IL21: variants seen among roughly 807,000 people sequenced by gnomAD.
IL21 encodes the protein interleukin-21.
A neutral mutation model predicts 18.4 loss-of-function variants in IL21; 3 were observed. The observed-to-expected ratio is 0.16, with a 90% CI of 0.07 to 0.42. The LOEUF (loss-of-function observed/expected upper bound fraction) is 0.42, where lower values mean the gene tolerates loss of function less well. Ranked by LOEUF, IL21 falls within the 10% of genes least tolerant of loss-of-function variation. IL21 has a pLI of 0.99. For synonymous variants in IL21, 37 were observed against 62.0 expected (o/e 0.60, Z 1.90); for missense variants, 130 against 188.4 (o/e 0.69, Z 1.81).
At position 122,621,023 on chromosome 4, in the gene IL21, G is replaced by A; in HGVS notation, c.-12C>T. On this transcript the variant is annotated 5_prime_UTR_variant, in exon 1 of 5. Coordinates refer to ENST00000648588, the MANE Select transcript of IL21 (RefSeq NM_021803.4). ...GGACTGGATCTCATAAGTACCAACAGTAGAGCTAGACCTTGGTCTCGTTTT... is the reference window on the plus strand; with the variant it reads ...GGACTGGATCTCATAAGTACCAACAATAGAGCTAGACCTTGGTCTCGTTTT... 1 of 1,612,636 alleles carries A rather than the reference G, an allele frequency of 6.2e-7. No homozygotes were observed. The highest frequency in any genetic ancestry group is 1.3e-5 in the African/African-American group (1 of 75,004).
chr4:122,620,433 A>G (rs1427401970), intron 2 of IL21, among the ~76,000 whole-genome samples: 1 of 152,190 alleles, frequency 6.6e-6, no homozygotes, highest in Non-Finnish European at 1.5e-5. Flanking sequence ...TAGTTTTGTT[A>G]TTCTGTCTCA....
chr4:122,620,264 A>C (rs1160522072), intron 2 of IL21: 1 of 154,132 alleles, frequency 6.5e-6, no homozygotes, highest in Non-Finnish European at 1.4e-5. Context: ...TTCTTTTTTA[A>C]GTTTGTTATT....
chr4:122,612,272 A>C lies in IL21; in HGVS notation c.*438T>G. 6.6e-6 allele frequency among the ~76,000 whole-genome samples: 1 copy of C among 152,022 alleles called. No homozygotes were observed. Among genetic ancestry groups the C allele is most frequent in the East Asian group, 1.9e-4 (1 of 5,200 alleles). On this transcript the variant is annotated 3_prime_UTR_variant, in exon 5 of 5. Coordinates refer to ENST00000648588, the MANE Select transcript of IL21 (RefSeq NM_021803.4). ...CAGTTTTCATTTCCTTAAAAGAATA[A>C]AGATGTCAACTTTTCATTTTGCTTT...
chr4:122,612,508 A>T lies in IL21; in HGVS notation c.*202T>A, dbSNP rs1332035837. 1.1e-5 allele frequency: 5 copies of T among 446,770 alleles called. No individual in the cohort carries two copies. Among genetic ancestry groups the T allele is most frequent in the Non-Finnish European group, 1.2e-5 (3 of 254,538 alleles). The allele number at this position is 446,770 out of a possible 1,614,324, so 27.7% of individuals were successfully genotyped here. A position where few individuals can be genotyped will look rare whatever the true frequency, so the allele number is the denominator to read the frequency against. On this transcript the variant is annotated 3_prime_UTR_variant, in exon 5 of 5. Transcript: ENST00000648588. The stretch of plus-strand genomic sequence containing the variant: ...AGTTGGGCAGTGAGATAAAGTAAAA[A>T]CTTCAGAAGTCATAGAAATCAATAA...
In IL21 at chr4:122,611,875, C is replaced by T. The variant is rs1799266868; in HGVS notation, c.*835G>A. On this transcript the variant is annotated 3_prime_UTR_variant, in exon 5 of 5. Transcript: ENST00000648588. ...GTTACTAGCTTGCTCATAATATGAT[C>T]ATTATAACAGTTTGAGAAGAGAGCT... is the stretch of plus-strand genomic sequence containing the variant. Among the ~76,000 whole-genome samples, 1 of 152,090 alleles carries T rather than the reference C, an allele frequency of 6.6e-6. No homozygotes were observed. Among genetic ancestry groups the T allele is most frequent in the Admixed American group, 6.5e-5 (1 of 15,268 alleles).
At chr4:122,618,905 G>A (rs1168504216) in intron 2 of IL21, 1 of 151,900 alleles carries the variant, frequency 6.6e-6, no homozygotes, top group Non-Finnish European at 1.5e-5. Flanking sequence ...GACATTTGGG[G>A]CTAGATAATT....
At chr4:122,616,469 TAGATCACAC>T (rs1239327217) in intron 2 of IL21, among the ~76,000 whole-genome samples, 1 of 152,244 alleles carries the variant, frequency 6.6e-6, no homozygotes, top group African/African-American at 2.4e-5. Context: ...ATACTTGCCA[TAGATCACAC>T]ATGACTTTTC....
Position 122,621,018 on chromosome 4 carries a change from C to G in IL21, c.-7G>C. 6.2e-7 allele frequency: 1 copy of G among 1,613,000 alleles called. No homozygotes were observed. Among genetic ancestry groups the G allele is most frequent in the Non-Finnish European group, 8.5e-7 (1 of 1,179,412 alleles). ...TGCCAGGACTGGATCTCATAAGTAC[C>G]AACAGTAGAGCTAGACCTTGGTCTC... On this transcript the variant is annotated 5_prime_UTR_variant, in exon 1 of 5. Coordinates refer to ENST00000648588, the MANE Select transcript of IL21 (RefSeq NM_021803.4).
chr4:122,613,557 G>A (rs1799293539), intron 3 of IL21, among the ~76,000 whole-genome samples: 3 of 152,026 alleles, frequency 2.0e-5, no homozygotes, highest in Non-Finnish European at 2.9e-5. Flanking sequence ...TCACCATGTT[G>A]GCCAGGCTGG....
rs534885560 is a variant in IL21, at chr4:122,611,334, G to A, written c.*1376C>T. On this transcript the variant is annotated 3_prime_UTR_variant, in exon 5 of 5. Coordinates refer to ENST00000648588, the MANE Select transcript of IL21 (RefSeq NM_021803.4). The stretch of plus-strand genomic sequence containing the variant: ...ATGATAAAACATTTCATTGAGATTT[G>A]ATTAAATAATTCTCAATATATCTTT... Among the ~76,000 whole-genome samples, 5 of 151,726 alleles carry A rather than the reference G, an allele frequency of 3.3e-5. No individual in the cohort carries two copies. The South Asian group carries it at 6.2e-4, about 19-fold the overall frequency.
chr4:122,618,184 T>G (rs1021826185), intron 2 of IL21, among the ~76,000 whole-genome samples: 18 of 152,292 alleles, frequency 1.2e-4, no homozygotes, highest in East Asian at 1.2e-3. Context: ...ACCATTCCTC[T>G]TCAGCTGAAG....
Position 122,620,750 on chromosome 4 carries a change from A to G in IL21, c.169-14T>C. 1 of 1,613,378 alleles carries G rather than the reference A, an allele frequency of 6.2e-7. No homozygotes were observed. The highest frequency in any genetic ancestry group is 8.5e-7 in the Non-Finnish European group (1 of 1,179,668). ...AAATTCAGGGACCTAGAGCAAAAGA[A>G]AATTTGTTCTGAGTTATTTTTATAA... On this transcript the variant is annotated splice_polypyrimidine_tract_variant and intron_variant, in intron 1 of 4. Transcript: ENST00000648588.
chr4:122,617,871 G>A (rs964958863), intron 2 of IL21, among the ~76,000 whole-genome samples: 2 of 152,238 alleles, frequency 1.3e-5, no homozygotes, highest in African/African-American at 4.8e-5. Flanking sequence ...AAGAAGTAGA[G>A]GGCTGTCGCC....
In IL21 at chr4:122,612,351, G is replaced by A. The variant is rs1383450153; in HGVS notation, c.*359C>T. On this transcript the variant is annotated 3_prime_UTR_variant, in exon 5 of 5. Transcript: ENST00000648588. ...TATCAGCTGGAATGAAGGTATATAT[G>A]TTTTAAGTTATGATCATAATAGACC... Among the ~76,000 whole-genome samples the A allele has an allele frequency of 1.3e-5, 2 of 152,030 alleles. No homozygotes were observed. The highest frequency in any genetic ancestry group is 2.1e-4 in the South Asian group (1 of 4,832).
chr4:122,615,604 G>A, intron 3 of IL21, 78 bp downstream of exon 3: 1 of 1,288,968 alleles, frequency 7.8e-7, no homozygotes, highest in Non-Finnish European at 1.1e-6. Flanking sequence ...CTGGCTACAG[G>A]TGTGTGTGTA....
chr4:122,616,392 G>T (rs1228414253), intron 2 of IL21, among the ~76,000 whole-genome samples: 2 of 152,136 alleles, frequency 1.3e-5, no homozygotes, highest in Non-Finnish European at 2.9e-5. Flanking sequence ...ATGAATTAAA[G>T]CCCCTCCTTT....
At chr4:122,615,637 T>C in intron 3 of IL21, 45 bp downstream of exon 3, 3 of 1,553,560 alleles carry the variant, frequency 1.9e-6, no homozygotes, top group Non-Finnish European at 2.6e-6. Context: ...GCAAGATATA[T>C]AGTTTATAAG....
In IL21 at chr4:122,610,977, C is replaced by T. The variant is rs1293639917; in HGVS notation, c.*1733G>A. On this transcript the variant is annotated 3_prime_UTR_variant, in exon 5 of 5. Coordinates refer to ENST00000648588, the MANE Select transcript of IL21 (RefSeq NM_021803.4). ...TATTTTTACTTTTAAGATAGAGACC[C>T]TGATCAAAATAATTGGAACAGAAAT... Among the ~76,000 whole-genome samples the T allele has an allele frequency of 6.6e-6, 1 of 152,110 alleles. No individual in the cohort carries two copies. The highest frequency in any genetic ancestry group is 1.5e-5 in the Non-Finnish European group (1 of 68,022).
intron 3 of IL21, among the ~76,000 whole-genome samples, chr4:122,613,820 C>G (rs1799298288): frequency 6.6e-6 from 1 of 152,146 alleles, no homozygotes; most frequent in South Asian, 2.1e-4. Context: ...TACCTCTTTT[C>G]ACTTGGAGCA....
Sources: gnomAD v4.1 joint callset for allele counts (sites outside exome capture counted in the v4.1 genomes callset) on GRCh38, gnomAD v4.1.1 for gene constraint, MANE v1.5 for transcripts, NCBI Gene and HGNC (gene_info 2026-07-23, HGNC 2026-07-21) for gene names.